Variants in CLCA4 observed in about 807,000 individuals in gnomAD.
The protein encoded by CLCA4 is calcium-activated chloride channel regulator 4.
In CLCA4, 69 loss-of-function variants were observed where a neutral mutation model predicts 78.9. The observed-to-expected ratio is 0.87, with a 90% CI of 0.72 to 1.07. CLCA4 has a LOEUF of 1.07. CLCA4 is among the 50% of genes least tolerant of loss of function. CLCA4 has a pLI of 0.00. For synonymous variants in CLCA4, 362 were observed against 375.8 expected, an observed-to-expected ratio of 0.96 and a Z score of 0.42; for missense variants, 1,133 against 1,095.8, an observed-to-expected ratio of 1.03 and a Z score of -0.48.
At position 86,547,189 on chromosome 1, in the gene CLCA4, A is replaced by G. The variant is rs1250209324; in HGVS notation, c.70A>G (p.Ile24Val). The change falls in exon 1 of 14, where the codon ATT (isoleucine) becomes GTT (valine). Residue 24 changes from isoleucine (I) to valine (V), a missense_variant. Ile to Val is a conservative substitution (Grantham distance 29). Coordinates refer to ENST00000370563, the MANE Select transcript of CLCA4 (RefSeq NM_012128.4). ...CLLHQSNTSF[I>V]KLNNNGFEDI... ...GCTGCACCAGTCAAATACTTCCTTCATTAAGCTGAATAATAATGGCTTTGA... is the reference window on the plus strand; with the variant it reads ...GCTGCACCAGTCAAATACTTCCTTCGTTAAGCTGAATAATAATGGCTTTGA... The G allele has an allele frequency of 3.1e-6, 5 of 1,612,070 alleles. No individual in the cohort carries two copies. Among genetic ancestry groups the G allele is most frequent in the Non-Finnish European group, 4.2e-6 (5 of 1,179,364 alleles).
At chr1:86,556,420 T>G (rs370693707) in intron 1 of CLCA4, among the ~76,000 whole-genome samples, 13 of 152,214 alleles carry the variant, frequency 8.5e-5, no homozygotes, top group East Asian at 5.8e-4. Flanking sequence ...ATTGAAAACC[T>G]TTTCTCCATC....
In CLCA4 at chr1:86,575,325, C is replaced by G. The variant is rs1428744762; in HGVS notation, c.1684-7C>G. ...GATACTTACTATATTTCTGTTGAAA[C>G]TTTTAGGTGGGCACTTGGGCATACA... On this transcript the variant is annotated splice_polypyrimidine_tract_variant and splice_region_variant and intron_variant, in intron 10 of 13. Coordinates refer to ENST00000370563, the MANE Select transcript of CLCA4 (RefSeq NM_012128.4). 2 of 1,609,348 alleles carry G rather than the reference C, an allele frequency of 1.2e-6. No homozygotes were observed. The highest frequency in any genetic ancestry group is 1.7e-6 in the Non-Finnish European group (2 of 1,177,094).
chr1:86,563,514 C>A, intron 3 of CLCA4, 147 bp from the exon 4 acceptor site: 1 of 474,542 alleles, frequency 2.1e-6, no homozygotes, highest in Non-Finnish European at 3.8e-6. Context: ...ATGCAATAGG[C>A]TTTTTTATAC....
In CLCA4 at chr1:86,578,283, AAG is replaced by A. The variant is rs565637306; in HGVS notation, c.2122+212_2122+213del. ...CTAGTAAGCACTCAAGCACTCAAAA[AAG>A]GTCAATTATTCTTATTTTTTTTAAC... On this transcript the variant is annotated intron_variant, in intron 12 of 13. Coordinates refer to ENST00000370563, the MANE Select transcript of CLCA4 (RefSeq NM_012128.4). Among the ~76,000 whole-genome samples the A allele has an allele frequency of 1.1e-4, 16 of 152,158 alleles. No individual in the cohort carries two copies. The South Asian group carries it at 3.1e-3, about 30-fold the overall frequency.
At chr1:86,556,000 A>G (rs985362907) in intron 1 of CLCA4, among the ~76,000 whole-genome samples, 1 of 152,046 alleles carries the variant, frequency 6.6e-6, no homozygotes, top group Non-Finnish European at 1.5e-5. Context: ...TCAGCTCTGG[A>G]CTTAGCTGTC....
chr1:86,555,149 C>T (rs937797574), intron 1 of CLCA4, among the ~76,000 whole-genome samples: 1 of 152,090 alleles, frequency 6.6e-6, no homozygotes, highest in Middle Eastern at 3.2e-3. Context: ...TTCTTCTATT[C>T]TGTAGGTTGT....
At chr1:86,567,768 G>C (rs1043323690) in intron 7 of CLCA4, 117 bp downstream of exon 7, 1 of 787,392 alleles carries the variant, frequency 1.3e-6, no homozygotes, top group East Asian at 2.7e-5. Context: ...AATCCTAAGA[G>C]GCACAGGACT....
intron 5 of CLCA4, 112 bp downstream of exon 5, chr1:86,565,563 T>C (rs951032721): frequency 3.5e-6 from 3 of 848,402 alleles, no homozygotes; most frequent in Admixed American, 5.3e-5. Context: ...ATAGAGTTCT[T>C]TGAACACTGG....
In CLCA4 at chr1:86,570,751, CATACTGTGATT is replaced by C. The variant is rs560099385; in HGVS notation, c.1183-321_1183-311del. On this transcript the variant is annotated intron_variant, in intron 7 of 13. Coordinates refer to ENST00000370563, the MANE Select transcript of CLCA4 (RefSeq NM_012128.4). ...GAAAACATAACACTAATTAATGTCA[CATACTGTGATT>C]ATACCTTTGGTATCTGGTTGACCTG... Among the ~76,000 whole-genome samples the C allele has an allele frequency of 1.8e-3, 279 of 152,150 alleles. 1 individual carries two copies. The highest frequency in any genetic ancestry group is 6.4e-3 in the African/African-American group (265 of 41,552).
chr1:86,569,967 T>G (rs1021099717), intron 7 of CLCA4, among the ~76,000 whole-genome samples: 1 of 152,002 alleles, frequency 6.6e-6, no homozygotes, highest in Non-Finnish European at 1.5e-5. Flanking sequence ...TGTACTTAAA[T>G]GCGTGGGAGA....
chr1:86,552,375 C>T (rs1415241173), intron 1 of CLCA4, among the ~76,000 whole-genome samples: 1 of 152,206 alleles, frequency 6.6e-6, no homozygotes, highest in Non-Finnish European at 1.5e-5. Flanking sequence ...GACGTCAGGA[C>T]CGGTCCAGAG....
chr1:86,559,165 G>A (rs1246452885), intron 1 of CLCA4, among the ~76,000 whole-genome samples: 1 of 152,004 alleles, frequency 6.6e-6, no homozygotes, highest in Non-Finnish European at 1.5e-5. Context: ...GCTTTCTTCT[G>A]GGAGGAACTA....
intron 3 of CLCA4, among the ~76,000 whole-genome samples, chr1:86,563,039 C>A (rs1199548128): frequency 1.3e-5 from 2 of 151,616 alleles, no homozygotes; most frequent in Admixed American, 6.6e-5. Flanking sequence ...GAAGTTTTTC[C>A]CAACATTGCT....
intron 6 of CLCA4, among the ~76,000 whole-genome samples, chr1:86,566,685 T>C (rs1464974807): frequency 6.6e-6 from 1 of 151,944 alleles, no homozygotes; most frequent in East Asian, 1.9e-4. Context: ...AGTTTCTCAT[T>C]GTGATTTGGT....
At chr1:86,576,359 C>A (rs1183271076) in intron 11 of CLCA4, among the ~76,000 whole-genome samples, 1 of 151,716 alleles carries the variant, frequency 6.6e-6, no homozygotes, top group Non-Finnish European at 1.5e-5. Context: ...GAGAAAAGGT[C>A]AACAAAAGAG....
chr1:86,552,771 C>G lies in CLCA4; in HGVS notation c.159+5493C>G, dbSNP rs138710352. The stretch of plus-strand genomic sequence containing the variant: ...CCATCATGCCTGTCAGTACTGTGTC[C>G]AGGTTGTAGTAGGGGCTGTCCACGC... On this transcript the variant is annotated intron_variant, in intron 1 of 13. Coordinates refer to ENST00000370563, the MANE Select transcript of CLCA4 (RefSeq NM_012128.4). The G allele has an allele frequency of 1.9e-4, 257 of 1,383,036 alleles. 1 individual carries two copies. Among genetic ancestry groups the G allele is most frequent in the Non-Finnish European group, 1.1e-4 (112 of 975,848 alleles). 85.7% of individuals were successfully genotyped at this position (1,383,036 alleles called of 1,614,324 possible).
intron 6 of CLCA4, among the ~76,000 whole-genome samples, chr1:86,566,930 G>T (rs1159199224): frequency 6.6e-6 from 1 of 151,972 alleles, no homozygotes; most frequent in Non-Finnish European, 1.5e-5. Context: ...TAGGGCCTTG[G>T]CCTCTCCAAA....
Position 86,567,511 on chromosome 1 carries a change from C to A in CLCA4, c.1042C>A (p.His348Asn). Residue 348 changes from histidine (H) to asparagine (N), a missense_variant, in exon 7 of 14, where the codon CAC (histidine) becomes AAC (asparagine). Transcript: ENST00000370563. ...AAATGGATCCTGGGTGGGGATGGTT[C>A]ACTTTGATAGTACTGCCACTATTGT... is the stretch of plus-strand genomic sequence containing the variant. ...VENGSWVGMVHFDSTATIVNK... is the reference protein window; with the variant it reads ...VENGSWVGMVNFDSTATIVNK... The A allele has an allele frequency of 6.2e-7, 1 of 1,613,180 alleles. No individual in the cohort carries two copies. The highest frequency in any genetic ancestry group is 8.5e-7 in the Non-Finnish European group (1 of 1,179,350).
chr1:86,579,352 A>G lies in CLCA4; in HGVS notation c.2123-2A>G, dbSNP rs988904120. On this transcript the variant is annotated splice_acceptor_variant, in intron 12 of 13. Transcript: ENST00000370563. LOFTEE classifies it high-confidence loss of function. Reference sequence around the variant, plus strand: ...TTATAAACCAGGAAATGTTTAATGCAGGGGAAATTGAAGCAAACCCGCCAA... The same window carrying G: ...TTATAAACCAGGAAATGTTTAATGCGGGGGAAATTGAAGCAAACCCGCCAA... The G allele has an allele frequency of 4.3e-6, 7 of 1,610,022 alleles. No individual in the cohort carries two copies. The highest frequency in any genetic ancestry group is 5.1e-6 in the Non-Finnish European group (6 of 1,176,836).
Sources: allele counts gnomAD v4.1 joint callset (sites outside exome capture counted in the v4.1 genomes callset), GRCh38; gene constraint gnomAD v4.1.1; transcripts MANE v1.5; gene names NCBI Gene and HGNC (gene_info 2026-07-23, HGNC 2026-07-21).